The following SYT17 variants were observed in gnomAD, a reference collection of about 807,000 sequenced individuals.
SYT17 encodes the protein synaptotagmin 17.
Under a neutral mutation model 46.7 loss-of-function variants are expected in SYT17, and 22 were observed. That is an observed-to-expected ratio of 0.47 (90% confidence interval 0.34 to 0.67). The LOEUF is 0.67. Among genes scored for constraint, SYT17 ranks in the 30% least tolerant of loss-of-function variants. The probability of loss-of-function intolerance (pLI) is 0.01; values close to 1 mark genes in which losing one functional copy is unlikely to be tolerated. For missense variants in SYT17, 519 were observed against 612.8 expected (o/e 0.85, Z 1.62); for synonymous variants, 251 against 248.4 (o/e 1.01, Z -0.10).
intron 7 of SYT17, among the ~76,000 whole-genome samples, chr16:19,247,079 G>A (rs939119047): frequency 6.6e-6 from 1 of 152,152 alleles, no homozygotes; most frequent in Non-Finnish European, 1.5e-5. Context: ...CCATGTGGAC[G>A]TTTGTGGGAA....
At chr16:19,229,433 A>G (rs1966605295) in intron 7 of SYT17, among the ~76,000 whole-genome samples, 2 of 152,156 alleles carry the variant, frequency 1.3e-5, no homozygotes, top group African/African-American at 4.8e-5. Context: ...GAGGTGCCAC[A>G]CACTTTTAAA....
At chr16:19,184,671 C>T (rs953444241) in intron 5 of SYT17, among the ~76,000 whole-genome samples, 1 of 151,838 alleles carries the variant, frequency 6.6e-6, no homozygotes, top group Non-Finnish European at 1.5e-5. Flanking sequence ...ATGTGTGTGT[C>T]TTTCTGTGAA....
intron 6 of SYT17, 35 bp from the exon 7 acceptor site, chr16:19,224,648 C>A: frequency 6.2e-7 from 1 of 1,609,304 alleles, no homozygotes; most frequent in Non-Finnish European, 8.5e-7. Flanking sequence ...GTTTCATGAT[C>A]TCCAACATTC....
At chr16:19,175,506 T>G (rs994413087) in intron 3 of SYT17, among the ~76,000 whole-genome samples, 55 of 151,908 alleles carry the variant, frequency 3.6e-4, no homozygotes, top group African/African-American at 1.3e-3. Flanking sequence ...ATTTAAAAAA[T>G]TAGCTGGGCA....
chr16:19,233,414 G>A (rs1044117323), intron 7 of SYT17, among the ~76,000 whole-genome samples: 1 of 152,042 alleles, frequency 6.6e-6, no homozygotes, highest in African/African-American at 2.4e-5. Context: ...TACTTTGGGA[G>A]GCCGAGGCAG....
At chr16:19,197,249 C>T (rs545851740) in intron 5 of SYT17, among the ~76,000 whole-genome samples, 98 of 152,330 alleles carry the variant, frequency 6.4e-4, no homozygotes, top group Non-Finnish European at 1.1e-3. Context: ...CCCAGGCCAG[C>T]GTCTTACAAA....
chr16:19,172,997 G>A (rs539140023), intron 2 of SYT17: 44 of 602,354 alleles, frequency 7.3e-5, no homozygotes, highest in Non-Finnish European at 1.1e-4. Flanking sequence ...TACTTATTCC[G>A]TTTGATTATC....
At chr16:19,172,633 G>A in intron 1 of SYT17, 127 bp from the exon 2 acceptor site, 3 of 1,519,136 alleles carry the variant, frequency 2.0e-6, no homozygotes, top group African/African-American at 1.7e-5. Flanking sequence ...AAATATGCAG[G>A]GCTTTTTTTT....
At chr16:19,206,019 A>G (rs1041392817) in intron 5 of SYT17, among the ~76,000 whole-genome samples, 1 of 152,224 alleles carries the variant, frequency 6.6e-6, no homozygotes, top group Non-Finnish European at 1.5e-5. Context: ...GAAAGGAGAA[A>G]GAGAAAAAAA....
Position 19,238,871 on chromosome 16 carries a change from A to C in SYT17, c.1228+14033A>C, listed in dbSNP as rs115607419. Among the ~76,000 whole-genome samples the C allele has an allele frequency of 5.8e-3, 886 of 152,354 alleles. 6 individuals carry two copies. Among genetic ancestry groups the C allele is most frequent in the African/African-American group, 0.02 (833 of 41,590 alleles). On this transcript the variant is annotated intron_variant, in intron 7 of 7. Transcript: ENST00000355377. ...GTAGGTTCGAGATGAAGGCTTATGC[A>C]GGAAATCAAATCAGAAACCAAGAGT...
intron 7 of SYT17, among the ~76,000 whole-genome samples, chr16:19,250,403 G>GTGTA (rs1967968712): frequency 6.8e-6 from 1 of 147,886 alleles, no homozygotes; most frequent in Non-Finnish European, 1.5e-5. Context: ...GTGTGTGTGT[G>GTGTA]TTTGGAGACA....
intron 5 of SYT17, among the ~76,000 whole-genome samples, chr16:19,222,115 G>T (rs1966339640): frequency 1.3e-5 from 2 of 152,138 alleles, no homozygotes; most frequent in South Asian, 4.1e-4. Flanking sequence ...GGATATGCAG[G>T]TACAATGACA....
intron 7 of SYT17, among the ~76,000 whole-genome samples, chr16:19,230,173 C>T (rs978093822): frequency 1.3e-5 from 2 of 151,950 alleles, no homozygotes; most frequent in Non-Finnish European, 2.9e-5. Context: ...TTTGGGAGGC[C>T]GAAGTGGGTG....
intron 5 of SYT17, among the ~76,000 whole-genome samples, chr16:19,220,121 C>T (rs1281956478): frequency 6.6e-6 from 1 of 151,950 alleles, no homozygotes; most frequent in Non-Finnish European, 1.5e-5. Flanking sequence ...GTTGACCATT[C>T]CTATTTTGAA....
Position 19,183,557 on chromosome 16 carries a change from C to T in SYT17, c.361C>T (p.Leu121Phe). The T allele has an allele frequency of 6.2e-7, 1 of 1,614,222 alleles. No individual in the cohort carries two copies. The highest frequency in any genetic ancestry group is 8.5e-7 in the Non-Finnish European group (1 of 1,180,040). ...SLESRRPSSPLIDIKPIEFGV... is the reference protein window; with the variant it reads ...SLESRRPSSPFIDIKPIEFGV... Reference sequence around the variant, plus strand: ...TGAGTCAAGACGTCCCAGCTCTCCACTCATCGATATTAAACCCATCGAGTT... The same window carrying T: ...TGAGTCAAGACGTCCCAGCTCTCCATTCATCGATATTAAACCCATCGAGTT... Residue 121 changes from leucine (L) to phenylalanine (F), a missense_variant, in exon 5 of 8, where the codon CTC (leucine) becomes TTC (phenylalanine). Transcript: ENST00000355377. This position sits in a 1 kb window ranked among gnomAD's most constrained non-coding sequence, Gnocchi z 5.6.
chr16:19,258,395 C>T (rs537254653), intron 7 of SYT17, among the ~76,000 whole-genome samples: 13 of 152,236 alleles, frequency 8.5e-5, no homozygotes, highest in Non-Finnish European at 1.8e-4. Context: ...AACCCCAGCA[C>T]ATCAGGAGGC....
At chr16:19,196,945 C>G (rs1043657472) in intron 5 of SYT17, among the ~76,000 whole-genome samples, 1 of 152,162 alleles carries the variant, frequency 6.6e-6, no homozygotes, top group Non-Finnish European at 1.5e-5. Flanking sequence ...CCTGGAGTTA[C>G]AAACGCCCCC....
intron 5 of SYT17, among the ~76,000 whole-genome samples, chr16:19,220,072 C>T (rs558545332): frequency 6.6e-6 from 1 of 152,174 alleles, no homozygotes; most frequent in South Asian, 2.1e-4. Flanking sequence ...AGCAACAGTG[C>T]AAAAGGGGCT....
Position 19,168,551 on chromosome 16 carries a change from T to G in SYT17, c.-96T>G. 1.3e-6 allele frequency: 2 copies of G among 1,524,892 alleles called. No individual in the cohort carries two copies. Among genetic ancestry groups the G allele is most frequent in the South Asian group, 2.4e-5 (2 of 83,294 alleles). 94.5% of individuals were successfully genotyped at this position (1,524,892 alleles called of 1,614,324 possible). On this transcript the variant is annotated 5_prime_UTR_variant, in exon 1 of 8. Transcript: ENST00000355377. This position sits in a 1 kb window ranked among gnomAD's most constrained non-coding sequence, Gnocchi z 6.9. The stretch of plus-strand genomic sequence containing the variant: ...GGGCCACCGGCTGCCTTTTTCTTCC[T>G]TTCCCCCTTTGCTTTCTTCCCCCTC...
Sources: allele counts gnomAD v4.1 joint callset (sites outside exome capture counted in the v4.1 genomes callset), GRCh38; gene constraint gnomAD v4.1.1; non-coding constraint Gnocchi (gnomAD v3.1); transcripts MANE v1.5; gene names NCBI Gene and HGNC (gene_info 2026-07-23, HGNC 2026-07-21).